The following ATP7B variants were observed in gnomAD, a reference collection of about 807,000 sequenced individuals.
ATP7B encodes the protein ATPase copper transporting beta.
ATP7B carries 113 observed loss-of-function variants against 118.9 expected under a neutral mutation model. The observed-to-expected ratio is 0.95, with a 90% CI of 0.82 to 1.11. The LOEUF is 1.11. Ranked by LOEUF, ATP7B falls within the 50% of genes most tolerant of loss-of-function variation. The probability of loss-of-function intolerance (pLI) is 0.00; values close to 1 mark genes in which losing one functional copy is unlikely to be tolerated. For synonymous variants in ATP7B, 777 were observed against 727.4 expected (o/e 1.07, Z -1.10); for missense variants, 1,867 against 1,871.4 (o/e 1.00, Z 0.04).
intron 19 of ATP7B, 52 bp downstream of exon 19, chr13:51,937,224 G>A: frequency 6.4e-7 from 1 of 1,559,368 alleles, no homozygotes; most frequent in Non-Finnish European, 8.8e-7. Context: ...GAACCTGGGA[G>A]ACAGAAGCCT....
At position 51,952,375 on chromosome 13, in the gene ATP7B, G is replaced by A. The variant is rs555057347; in HGVS notation, c.2448-1976C>T. 1.4e-3 allele frequency among the ~76,000 whole-genome samples: 211 copies of A among 152,366 alleles called. 1 individual carries two copies. The highest frequency in any genetic ancestry group is 4.8e-3 in the African/African-American group (200 of 41,582). ...AGAGCATGCATGGAAAGCAAGCAGG[G>A]CTCTGAGGTTATTTTACACCTTGCT... On this transcript the variant is annotated intron_variant, in intron 9 of 20. Coordinates refer to ENST00000242839, the MANE Select transcript of ATP7B (RefSeq NM_000053.4).
At chr13:51,990,816 A>C (rs1396134207) in intron 1 of ATP7B, among the ~76,000 whole-genome samples, 1 of 152,262 alleles carries the variant, frequency 6.6e-6, no homozygotes, top group Non-Finnish European at 1.5e-5. Flanking sequence ...CCACCCTGGC[A>C]CAATGGCTCA....
In ATP7B at chr13:51,958,507, T is replaced by G. The variant is rs758741518; in HGVS notation, c.2159A>C (p.Lys720Thr). ...GTTGGCTGACCTGTGTCTCAGAGATTTGTAGGCCTGAACGTAGAAGTACCA... is the reference window on the plus strand; with the variant it reads ...GTTGGCTGACCTGTGTCTCAGAGATGTGTAGGCCTGAACGTAGAAGTACCA... The part of the protein sequence containing the change: ...GGWYFYVQAY[K>T]SLRHRSANMD... The change falls in exon 8 of 21, where the codon AAA (lysine) becomes ACA (threonine). Residue 720 changes from lysine (K) to threonine (T), a missense_variant. Transcript: ENST00000242839. 2.5e-6 allele frequency: 4 copies of G among 1,614,082 alleles called. No homozygotes were observed. The South Asian group carries it at 4.4e-5, about 18-fold the overall frequency.
chr13:51,993,880 C>A (rs565586290), intron 1 of ATP7B, among the ~76,000 whole-genome samples: 3 of 152,258 alleles, frequency 2.0e-5, no homozygotes, highest in Admixed American at 2.0e-4. Context: ...GCACTCAGAT[C>A]CCCTCCACCA....
At chr13:52,000,011 T>A (rs1258789001) in intron 1 of ATP7B, among the ~76,000 whole-genome samples, 1 of 151,964 alleles carries the variant, frequency 6.6e-6, no homozygotes, top group East Asian at 1.9e-4. Flanking sequence ...CACCAACAGC[T>A]CCTACTCAGA....
chr13:51,949,965 A>G (rs1566499965), intron 11 of ATP7B, 42 bp downstream of exon 11: 1 of 1,614,060 alleles, frequency 6.2e-7, no homozygotes, highest in Non-Finnish European at 8.5e-7. Flanking sequence ...ATAATTTCTA[A>G]AACGAGAAAG....
At position 51,934,507 on chromosome 13, in the gene ATP7B, TAG is replaced by T. The variant is rs1347991195; in HGVS notation, c.*247_*248del. 1.6e-5 allele frequency: 9 copies of T among 576,970 alleles called. No homozygotes were observed. The highest frequency in any genetic ancestry group is 2.8e-5 in the Non-Finnish European group (9 of 324,504). The allele number at this position is 576,970 out of a possible 1,614,324, so 35.7% of individuals were successfully genotyped here. A position where few individuals can be genotyped will look rare whatever the true frequency, so the allele number is the denominator to read the frequency against. ...CACCTTCTACAGTCCAGCCAAGGAC[TAG>T]AGTCCAAGACAAAGCCCATGCTGAC... On this transcript the variant is annotated 3_prime_UTR_variant, in exon 21 of 21. Coordinates refer to ENST00000242839, the MANE Select transcript of ATP7B (RefSeq NM_000053.4).
At position 51,939,126 on chromosome 13, in the gene ATP7B, C is replaced by T. The variant is rs377267217; in HGVS notation, c.3624G>A (p.Thr1208=). The change falls in exon 17 of 21, where the codon ACG becomes ACA. Residue 1208 remains threonine (T), a synonymous_variant. Transcript: ENST00000242839. ...VKQEAALAVH[T]LQSMGVDVVL... ...CCACGTCCACACCCATGCTCTGCAG[C>T]GTGTGCACAGCCAGGGCAGCCTCCT... The T allele has an allele frequency of 1.1e-4, 183 of 1,614,218 alleles. No individual in the cohort carries two copies. The African/African-American group carries it at 2.3e-3, about 20-fold the overall frequency.
rs1174838279 is a variant in ATP7B, at chr13:51,974,370, C to T, written c.850G>A (p.Gly284Arg). ...NIEENIGQLL[G>R]VQSIQVSLEN... ...AAGGACACTTGAATACTTTGAACCC[C>T]TAGGAGCTGGCCAATATTTTCTTCA... is the stretch of plus-strand genomic sequence containing the variant. Residue 284 changes from glycine (G) to arginine (R), a missense_variant, in exon 2 of 21, where the codon GGG becomes AGG. Physicochemically the swap from Gly to Arg is moderately radical, Grantham distance 125. Transcript: ENST00000242839. 1.2e-6 allele frequency: 2 copies of T among 1,613,940 alleles called. No individual in the cohort carries two copies. Among genetic ancestry groups the T allele is most frequent in the South Asian group, 1.1e-5 (1 of 91,074 alleles).
Position 51,944,219 on chromosome 13 carries a change from G to C in ATP7B, c.3133C>G (p.Leu1045Val). The change falls in exon 14 of 21, where the codon CTG becomes GTG. Residue 1045 changes from leucine (L) to valine (V), a missense_variant. Transcript: ENST00000242839. ...AGGGGCAGTGTGGCCACATCCCCCA[G>C]CAGGAGCACCCGCATGACCCTGGGG... The part of the protein sequence containing the change: ...GVPRVMRVLL[L>V]GDVATLPLRK... 6.2e-7 allele frequency: 1 copy of C among 1,614,110 alleles called. No individual in the cohort carries two copies. The highest frequency in any genetic ancestry group is 1.7e-5 in the Admixed American group (1 of 60,018).
chr13:51,957,109 C>A (rs9535807), intron 9 of ATP7B, among the ~76,000 whole-genome samples: 6,494 of 152,186 alleles, frequency 0.043, 218 homozygotes, highest in South Asian at 0.11. Flanking sequence ...TATCAGGCAA[C>A]CTTAAGAAGA....
intron 1 of ATP7B, among the ~76,000 whole-genome samples, chr13:51,985,821 G>A (rs1318031780): frequency 6.6e-6 from 1 of 152,076 alleles, no homozygotes. Flanking sequence ...ATGACTACTG[G>A]GTAAATAATG....
intron 16 of ATP7B, 69 bp downstream of exon 16, chr13:51,941,012 T>G: frequency 6.2e-7 from 1 of 1,601,404 alleles, no homozygotes; most frequent in Non-Finnish European, 8.6e-7. Flanking sequence ...AAAGGAGGAC[T>G]CTTTTGCCTG....
chr13:51,946,203 C>T, intron 13 of ATP7B, 81 bp downstream of exon 13: 1 of 1,516,470 alleles, frequency 6.6e-7, no homozygotes. Flanking sequence ...GAGTGGCTCT[C>T]AGGCTTTTCT....
Position 51,934,647 on chromosome 13 carries a change from G to T in ATP7B, c.*109C>A. The stretch of plus-strand genomic sequence containing the variant: ...GATGACTGGACATATCCAGGGAGCG[G>T]AAGTCCCCAAAGCTGGAGGCTAGCT... On this transcript the variant is annotated 3_prime_UTR_variant, in exon 21 of 21. Coordinates refer to ENST00000242839, the MANE Select transcript of ATP7B (RefSeq NM_000053.4). 13 of 1,527,990 alleles carry T rather than the reference G, an allele frequency of 8.5e-6. 1 individual carries two copies. In the South Asian group the frequency reaches 1.5e-4, roughly 17 times the overall value. The allele number at this position is 1,527,990 out of a possible 1,614,324, so 94.7% of individuals were successfully genotyped here. A position where few individuals can be genotyped will look rare whatever the true frequency, so the allele number is the denominator to read the frequency against.
At chr13:51,977,897 A>C (rs1014033190) in intron 1 of ATP7B, among the ~76,000 whole-genome samples, 1 of 152,240 alleles carries the variant, frequency 6.6e-6, no homozygotes, top group Non-Finnish European at 1.5e-5. Flanking sequence ...TCATGACTGT[A>C]TAGTAAGGAT....
In ATP7B at chr13:51,937,341, C is replaced by T. The variant is rs529307157; in HGVS notation, c.3956G>A (p.Arg1319Gln). ...ASIHLSKRTVRRIRINLVLAL... is the reference protein window; with the variant it reads ...ASIHLSKRTVQRIRINLVLAL... ...CAGGACCAGGTTGATGCGTATCCTTCGGACAGTCCTCTTGGAAAGGTGAAT... is the reference window on the plus strand; with the variant it reads ...CAGGACCAGGTTGATGCGTATCCTTTGGACAGTCCTCTTGGAAAGGTGAAT... The change falls in exon 19 of 21, where the codon CGA becomes CAA. Residue 1319 changes from arginine (R) to glutamine (Q), a missense_variant. Physicochemically the swap from Arg to Gln is conservative, Grantham distance 43. Transcript: ENST00000242839. 3.8e-5 allele frequency: 62 copies of T among 1,614,202 alleles called. No homozygotes were observed. The highest frequency in any genetic ancestry group is 3.2e-4 in the Admixed American group (19 of 60,032).
At chr13:51,990,589 T>C (rs941625590) in intron 1 of ATP7B, among the ~76,000 whole-genome samples, 1 of 152,282 alleles carries the variant, frequency 6.6e-6, no homozygotes, top group African/African-American at 2.4e-5. Context: ...CAGCAGATAC[T>C]ACTTTTAGGA....
At chr13:51,952,731 C>G (rs772016245) in intron 9 of ATP7B, among the ~76,000 whole-genome samples, 7 of 152,156 alleles carry the variant, frequency 4.6e-5, no homozygotes, top group Non-Finnish European at 8.8e-5. Context: ...AAAAATTGTT[C>G]AGGAACAGTC....
Sources: allele counts gnomAD v4.1 joint callset (sites outside exome capture counted in the v4.1 genomes callset), GRCh38; gene constraint gnomAD v4.1.1; transcripts MANE v1.5; gene names NCBI Gene and HGNC (gene_info 2026-07-23, HGNC 2026-07-21).